Variants in MCTP2 observed in about 807,000 individuals in gnomAD.
MCTP2 encodes the protein multiple C2 and transmembrane domain-containing protein 2.
A neutral mutation model predicts 111.6 loss-of-function variants in MCTP2; 132 were observed. The observed-to-expected ratio is 1.18, with a 90% CI of 1.03 to 1.37. The LOEUF is 1.37. MCTP2 is among the 40% of genes most tolerant of loss of function. The pLI, the probability that MCTP2 is intolerant of heterozygous loss-of-function variation, is 0.00. For missense variants in MCTP2, 1,183 were observed against 1,067.9 expected (o/e 1.11, Z -1.50); for synonymous variants, 395 against 387.7 (o/e 1.02, Z -0.22).
intron 1 of MCTP2, 46 bp from the exon 2 acceptor site, chr15:94,298,155 T>C: frequency 1.2e-6 from 1 of 840,090 alleles, no homozygotes; most frequent in Non-Finnish European, 1.8e-6. Context: ...GTTCATGTTT[T>C]TTTTTTTTGT....
chr15:94,479,017 A>C lies in MCTP2; in HGVS notation c.2620A>C (p.Lys874Gln). The change falls in exon 23 of 23, where the codon AAG becomes CAG. Residue 874 changes from lysine to glutamine, a missense_variant. Transcript: ENST00000357742. The stretch of plus-strand genomic sequence containing the variant: ...CAGCAGCCACAGCCCCCTGCGGAAG[A>C]AGCGCAGCGCTCTCTAGGGCACACA... ...LCSSHSPLRK[K>Q]RSAL is the part of the protein sequence containing the mutation. 1 of 1,614,096 alleles carries C rather than the reference A, an allele frequency of 6.2e-7. No individual in the cohort carries two copies. The highest frequency in any genetic ancestry group is 8.5e-7 in the Non-Finnish European group (1 of 1,179,990).
At chr15:94,259,842 C>T (rs535622739) in intron 1 of MCTP2, among the ~76,000 whole-genome samples, 43 of 152,214 alleles carry the variant, frequency 2.8e-4, no homozygotes, top group East Asian at 1.5e-3. Flanking sequence ...GGGAAGAGTG[C>T]GCCTGTCCTG....
At position 94,269,391 on chromosome 15, in the gene MCTP2, G is replaced by T. The variant is rs192340523; in HGVS notation, c.-65-28810G>T. Among the ~76,000 whole-genome samples, 3 of 152,200 alleles carry T rather than the reference G, an allele frequency of 2.0e-5. No homozygotes were observed. The East Asian group carries it at 5.8e-4, about 29-fold the overall frequency. On this transcript the variant is annotated intron_variant, in intron 1 of 22. Coordinates refer to ENST00000357742, the MANE Select transcript of MCTP2 (RefSeq NM_001385001.1). ...GTAAGAATAATTGATAGAATTTAGG[G>T]GTAAGAATAATTGATAGAATAATTG...
At chr15:94,428,027 C>T (rs1311525366) in intron 17 of MCTP2, among the ~76,000 whole-genome samples, 2 of 152,182 alleles carry the variant, frequency 1.3e-5, no homozygotes, top group East Asian at 3.8e-4. Flanking sequence ...TGGACAGTCT[C>T]ATTACAAATT....
rs1372243507 is a variant in MCTP2, at chr15:94,339,384, G to A, written c.732G>A (p.Glu244=). The change falls in exon 5 of 23, where the codon GAG becomes GAA. Residue 244 remains glutamate, a synonymous_variant. Transcript: ENST00000357742. ...IYKNLNPVWD[E]IVVLPIQSLD... ...AGAACTTGAACCCAGTATGGGATGAGATAGTTGTATTGCCAATCCAAAGCC... is the reference window on the plus strand; with the variant it reads ...AGAACTTGAACCCAGTATGGGATGAAATAGTTGTATTGCCAATCCAAAGCC... The A allele has an allele frequency of 6.2e-7, 1 of 1,611,632 alleles. No individual in the cohort carries two copies. The highest frequency in any genetic ancestry group is 8.5e-7 in the Non-Finnish European group (1 of 1,178,658).
chr15:94,461,511 G>C (rs1020756969), intron 20 of MCTP2, among the ~76,000 whole-genome samples: 8 of 152,100 alleles, frequency 5.3e-5, no homozygotes, highest in African/African-American at 1.9e-4. Flanking sequence ...CTAGACAGCA[G>C]GCAGAGTGGT....
At chr15:94,243,967 A>G (rs1314365398) in intron 1 of MCTP2, among the ~76,000 whole-genome samples, 3 of 147,260 alleles carry the variant, frequency 2.0e-5, no homozygotes, top group Non-Finnish European at 4.5e-5. Context: ...ATTTACACAC[A>G]CATATGTATA....
chr15:94,439,389 C>T (rs1214572244), intron 17 of MCTP2, among the ~76,000 whole-genome samples: 1 of 151,542 alleles, frequency 6.6e-6, no homozygotes, highest in Non-Finnish European at 1.5e-5. Context: ...TTCTAGACTA[C>T]CGGTGAGTTT....
chr15:94,289,438 AG>A (rs2074932740), intron 1 of MCTP2, among the ~76,000 whole-genome samples: 1 of 152,200 alleles, frequency 6.6e-6, no homozygotes, highest in African/African-American at 2.4e-5. Context: ...GAGAATTTGG[AG>A]GCAGCAGACC....
At chr15:94,454,371 A>C (rs1051604946) in intron 19 of MCTP2, among the ~76,000 whole-genome samples, 4 of 152,194 alleles carry the variant, frequency 2.6e-5, no homozygotes, top group African/African-American at 9.6e-5. Flanking sequence ...CCAGACAAGC[A>C]ATAATGTTCC....
At chr15:94,401,756 G>A in intron 16 of MCTP2, 144 bp from the exon 17 acceptor site, 1 of 515,374 alleles carries the variant, frequency 1.9e-6, no homozygotes, top group Non-Finnish European at 3.2e-6. Context: ...TTTTAGAAGT[G>A]TCAGGTCTTC....
chr15:94,267,279 T>C (rs2152291701), intron 1 of MCTP2, among the ~76,000 whole-genome samples: 3 of 152,348 alleles, frequency 2.0e-5, no homozygotes, highest in Middle Eastern at 6.8e-3. Flanking sequence ...GTTTTCCCTT[T>C]TCCAGAATGT....
intron 1 of MCTP2, among the ~76,000 whole-genome samples, chr15:94,281,511 A>G (rs1004383783): frequency 6.6e-6 from 1 of 152,088 alleles, no homozygotes; most frequent in Non-Finnish European, 1.5e-5. Flanking sequence ...TCTTTATCCA[A>G]CTTGCCACTC....
At chr15:94,299,284 A>T (rs2075481948) in intron 2 of MCTP2, among the ~76,000 whole-genome samples, 1 of 151,966 alleles carries the variant, frequency 6.6e-6, no homozygotes, top group African/African-American at 2.4e-5. Flanking sequence ...CCTGGCAAAG[A>T]AATTAAGTAC....
At chr15:94,434,390 T>G (rs1178501971) in intron 17 of MCTP2, among the ~76,000 whole-genome samples, 1 of 150,740 alleles carries the variant, frequency 6.6e-6, no homozygotes, top group Admixed American at 6.6e-5. Context: ...TTTTTTTTTT[T>G]CTATTTTTCT....
At chr15:94,409,607 C>T (rs2082062223) in intron 17 of MCTP2, among the ~76,000 whole-genome samples, 2 of 152,012 alleles carry the variant, frequency 1.3e-5, no homozygotes, top group African/African-American at 2.4e-5. Flanking sequence ...TTAGGATCTT[C>T]AATCTTAAAG....
At chr15:94,348,834 G>A (rs2078142053) in intron 8 of MCTP2, among the ~76,000 whole-genome samples, 1 of 151,680 alleles carries the variant, frequency 6.6e-6, no homozygotes, top group South Asian at 2.1e-4. Context: ...TTGTTTTCAT[G>A]CATTCTTCAC....
At chr15:94,431,298 G>A (rs17662683) in intron 17 of MCTP2, among the ~76,000 whole-genome samples, 21,272 of 152,162 alleles carry the variant, frequency 0.14, 1,575 homozygotes, top group East Asian at 0.25. Flanking sequence ...AGAAAGGTAT[G>A]TTCAAAAGCA....
At chr15:94,414,196 C>G (rs1263773877) in intron 17 of MCTP2, among the ~76,000 whole-genome samples, 1 of 152,150 alleles carries the variant, frequency 6.6e-6, no homozygotes, top group Non-Finnish European at 1.5e-5. Context: ...CTGAACATTT[C>G]CCTAAGTCTT....
Sources: allele counts gnomAD v4.1 joint callset (sites outside exome capture counted in the v4.1 genomes callset), GRCh38; gene constraint gnomAD v4.1.1; transcripts MANE v1.5; gene names NCBI Gene and HGNC (gene_info 2026-07-23, HGNC 2026-07-21).